The following DOCK2 variants were observed in gnomAD, a reference collection of about 807,000 sequenced individuals.
The protein encoded by DOCK2 is dedicator of cytokinesis protein 2.
DOCK2 carries 87 observed loss-of-function variants against 248.9 expected under a neutral mutation model. The observed-to-expected ratio is 0.35, with a 90% CI of 0.29 to 0.42. The LOEUF is 0.42. Among genes scored for constraint, DOCK2 ranks in the 10% least tolerant of loss-of-function variants. DOCK2 has a pLI of 1.00. For missense variants in DOCK2, 1,747 were observed against 2,300.2 expected, an observed-to-expected ratio of 0.76 and a Z score of 4.92; for synonymous variants, 805 against 821.6, an observed-to-expected ratio of 0.98 and a Z score of 0.35.
At chr5:169,717,233 G>T in intron 20 of DOCK2, 151 bp from the exon 21 acceptor site, 1 of 610,890 alleles carries the variant, frequency 1.6e-6, no homozygotes, top group Middle Eastern at 2.7e-4. Flanking sequence ...TTTTCTTTGG[G>T]AAGATGCTAC....
At chr5:170,076,832 C>G (rs1191922506) in intron 47 of DOCK2, among the ~76,000 whole-genome samples, 1 of 152,136 alleles carries the variant, frequency 6.6e-6, no homozygotes, top group African/African-American at 2.4e-5. Flanking sequence ...TTCAATACTC[C>G]CTACATGAAG....
At chr5:169,985,179 A>G (rs1222334246) in intron 28 of DOCK2, among the ~76,000 whole-genome samples, 2 of 152,178 alleles carry the variant, frequency 1.3e-5, no homozygotes. Context: ...CTGGGATTGC[A>G]GGTGGGAGCC....
intron 27 of DOCK2, among the ~76,000 whole-genome samples, chr5:169,925,735 T>C (rs200397004): frequency 7.3e-6 from 1 of 137,780 alleles, no homozygotes; most frequent in Admixed American, 7.3e-5. Context: ...GGGTTGTGTG[T>C]TGGGAGCATT....
At chr5:169,840,946 A>G (rs1170241533) in intron 27 of DOCK2, 94 bp downstream of exon 27, 3 of 1,338,802 alleles carry the variant, frequency 2.2e-6, no homozygotes, top group Non-Finnish European at 3.1e-6. Flanking sequence ...AACTCCCAGC[A>G]TTGATCATTG....
At chr5:169,939,604 A>T (rs1163909150) in intron 27 of DOCK2, among the ~76,000 whole-genome samples, 1 of 152,210 alleles carries the variant, frequency 6.6e-6, no homozygotes, top group African/African-American at 2.4e-5. Context: ...TAGTTTACAA[A>T]TAGGTGAGTG....
intron 27 of DOCK2, among the ~76,000 whole-genome samples, chr5:169,962,110 C>T (rs137959574): frequency 4.2e-4 from 64 of 152,048 alleles, no homozygotes; most frequent in East Asian, 7.7e-4. Flanking sequence ...AAGGGCTTCA[C>T]GCTTTATTGT....
At chr5:169,880,887 C>T (rs1294312558) in intron 27 of DOCK2, among the ~76,000 whole-genome samples, 1 of 152,170 alleles carries the variant, frequency 6.6e-6, no homozygotes, top group Non-Finnish European at 1.5e-5. Context: ...TAGAAATGAA[C>T]ATAAAGTTCT....
At chr5:169,836,285 A>T (rs932618483) in intron 26 of DOCK2, among the ~76,000 whole-genome samples, 1 of 152,236 alleles carries the variant, frequency 6.6e-6, no homozygotes, top group Non-Finnish European at 1.5e-5. Context: ...GTTCAAAAGT[A>T]TTCAGGCTTC....
In DOCK2 at chr5:169,821,136, C is replaced by A. The variant is rs552286754; in HGVS notation, c.2703+17930C>A. 3.3e-4 allele frequency among the ~76,000 whole-genome samples: 50 copies of A among 152,298 alleles called. No homozygotes were observed. The East Asian group carries it at 6.7e-3, about 21-fold the overall frequency. On this transcript the variant is annotated intron_variant, in intron 26 of 51. Coordinates refer to ENST00000520908, the MANE Select transcript of DOCK2 (RefSeq NM_004946.3). ...GGACTATGTGAAAAGACCAAATCTA[C>A]GTCTGATTGGTGTACCTGAAAGTGA...
rs17738164 is a variant in DOCK2, at chr5:169,971,248, A to G, written c.2800-11820A>G. Among the ~76,000 whole-genome samples, 522 of 152,100 alleles carry G rather than the reference A, an allele frequency of 3.4e-3. 21 individuals carry two copies. The East Asian group carries it at 0.088, about 26-fold the overall frequency. ...TTGCAAACCAATGAATCAATGAAGT[A>G]TCATTCCCAGAGCAGGAAGGAAGCT... On this transcript the variant is annotated intron_variant, in intron 27 of 51. Transcript: ENST00000520908.
rs73312348 is a variant in DOCK2, at chr5:170,010,040, G to A, written c.3232+1294G>A. 5.9e-3 allele frequency among the ~76,000 whole-genome samples: 905 copies of A among 152,264 alleles called. 9 individuals carry two copies. Among genetic ancestry groups the A allele is most frequent in the African/African-American group, 0.021 (859 of 41,550 alleles). ...GGGGAAATAAGCACCCTCACAGGGG[G>A]CTTATGAGGGTCATCAGAGCACAAG... is the stretch of plus-strand genomic sequence containing the variant. On this transcript the variant is annotated intron_variant, in intron 32 of 51. Coordinates refer to ENST00000520908, the MANE Select transcript of DOCK2 (RefSeq NM_004946.3).
At chr5:169,720,821 C>A (rs1158452799) in intron 22 of DOCK2, among the ~76,000 whole-genome samples, 1 of 152,240 alleles carries the variant, frequency 6.6e-6, no homozygotes, top group South Asian at 2.1e-4. Flanking sequence ...ATCTCCGCCT[C>A]CCACCTTCAA....
intron 33 of DOCK2, among the ~76,000 whole-genome samples, chr5:170,025,790 CCCTT>C (rs1193226351): frequency 0.046 from 3,125 of 67,492 alleles, 96 homozygotes; most frequent in Middle Eastern, 0.11. Context: ...CTCCTTCCCT[CCCTT>C]CCTTCCTTCC....
At chr5:169,892,927 C>T (rs1384475853) in intron 27 of DOCK2, among the ~76,000 whole-genome samples, 3 of 151,246 alleles carry the variant, frequency 2.0e-5, no homozygotes, top group Non-Finnish European at 4.4e-5. Context: ...TTTTCTCCAG[C>T]ATGGCTCCCC....
At chr5:169,772,323 T>G (rs755491011) in intron 25 of DOCK2, among the ~76,000 whole-genome samples, 50 of 152,240 alleles carry the variant, frequency 3.3e-4, no homozygotes, top group Middle Eastern at 3.2e-3. Flanking sequence ...TTCTCAATTA[T>G]GAAAGAAATA....
At chr5:169,766,318 C>T (rs763391527) in intron 25 of DOCK2, among the ~76,000 whole-genome samples, 2 of 152,128 alleles carry the variant, frequency 1.3e-5, no homozygotes, top group African/African-American at 4.8e-5. Context: ...TGAGAACATG[C>T]GGCATTTGGT....
intron 29 of DOCK2, among the ~76,000 whole-genome samples, chr5:169,989,029 G>T (rs1778143714): frequency 6.6e-6 from 1 of 152,098 alleles, no homozygotes; most frequent in Non-Finnish European, 1.5e-5. Flanking sequence ...TCCATGATCT[G>T]TATGTTATGA....
intron 28 of DOCK2, among the ~76,000 whole-genome samples, 188 bp from the exon 29 acceptor site, chr5:169,985,640 C>G (rs1410225337): frequency 6.6e-6 from 1 of 152,136 alleles, no homozygotes; most frequent in Non-Finnish European, 1.5e-5. Flanking sequence ...TATTCATGTT[C>G]CACTGACATT....
At chr5:169,761,452 TAA>T (rs1289584084) in intron 24 of DOCK2, 65 bp from the exon 25 acceptor site, 2 of 1,340,358 alleles carry the variant, frequency 1.5e-6, no homozygotes. Context: ...GGATGGACTG[TAA>T]GTGCTATGAG....
Sources: allele counts gnomAD v4.1 joint callset (sites outside exome capture counted in the v4.1 genomes callset), GRCh38; gene constraint gnomAD v4.1.1; transcripts MANE v1.5; gene names NCBI Gene and HGNC (gene_info 2026-07-23, HGNC 2026-07-21).